GABRA3: variants seen among roughly 807,000 people sequenced by gnomAD.
GABRA3 encodes gamma-aminobutyric acid receptor subunit alpha-3.
A neutral mutation model predicts 30.1 loss-of-function variants in GABRA3; 10 were observed. The ratio of observed to expected loss-of-function variants is 0.33; its 90% CI spans 0.20 to 0.56. The LOEUF (loss-of-function observed/expected upper bound fraction) is 0.56, where lower values mean the gene tolerates loss of function less well. Among genes scored for constraint, GABRA3 ranks in the 20% least tolerant of loss-of-function variants. The pLI, the probability that GABRA3 is intolerant of heterozygous loss-of-function variation, is 0.89. For missense variants in GABRA3, 233 were observed against 392.0 expected, an observed-to-expected ratio of 0.59 and a Z score of 3.42; for synonymous variants, 151 against 146.8, an observed-to-expected ratio of 1.03 and a Z score of -0.21.
chrX:152,224,155 T>C (rs1005340026), intron 6 of GABRA3, among the ~76,000 whole-genome samples: 2 of 112,326 alleles, frequency 1.8e-5, no homozygotes, highest in Admixed American at 9.5e-5. Flanking sequence ...TATGTGAAAC[T>C]CACTCTGAAA....
intron 6 of GABRA3, among the ~76,000 whole-genome samples, chrX:152,216,515 C>T (rs1225209873): frequency 9.2e-6 from 1 of 108,204 alleles, no homozygotes; most frequent in Non-Finnish European, 1.9e-5. Flanking sequence ...AATTGCAGGA[C>T]ATTATGTTAA....
chrX:152,420,378 AATAAATGG>A (rs1328407573), intron 1 of GABRA3, among the ~76,000 whole-genome samples: 3 of 111,769 alleles, frequency 2.7e-5, no homozygotes, highest in Non-Finnish European at 5.6e-5. Flanking sequence ...TAGTAGCATT[AATAAATGG>A]ATTCATCAGT....
At chrX:152,312,812 T>C (rs1939818350) in intron 3 of GABRA3, among the ~76,000 whole-genome samples, 2 of 111,340 alleles carry the variant, frequency 1.8e-5, no homozygotes, top group Admixed American at 9.6e-5. Flanking sequence ...CATTAAAAAA[T>C]GGGAAAAGGA....
At chrX:152,241,065 A>G (rs1938353949) in intron 5 of GABRA3, among the ~76,000 whole-genome samples, 1 of 110,089 alleles carries the variant, frequency 9.1e-6, no homozygotes, top group African/African-American at 3.3e-5. Context: ...GAGGAGGAGA[A>G]GAGGCGCTCT....
At chrX:152,179,642 C>T (rs1161163135) in intron 9 of GABRA3, among the ~76,000 whole-genome samples, 1 of 109,574 alleles carries the variant, frequency 9.1e-6, no homozygotes, top group Non-Finnish European at 1.9e-5. Context: ...CTACAGGCGC[C>T]CGCCACCACA....
At chrX:152,313,957 T>C (rs1939834991) in intron 3 of GABRA3, among the ~76,000 whole-genome samples, 1 of 111,223 alleles carries the variant, frequency 9.0e-6, no homozygotes. Context: ...ATTAACACTA[T>C]TTAAGATTCC....
intron 7 of GABRA3, among the ~76,000 whole-genome samples, chrX:152,202,626 G>A (rs190431584): frequency 8.0e-5 from 9 of 111,915 alleles, no homozygotes; most frequent in African/African-American, 1.3e-4. Flanking sequence ...ACATTTATGC[G>A]TTTGTATGTG....
chrX:152,294,104 T>C (rs963294930), intron 3 of GABRA3, among the ~76,000 whole-genome samples: 1 of 111,249 alleles, frequency 9.0e-6, no homozygotes, highest in South Asian at 3.8e-4. Context: ...ATTATGTGTC[T>C]TGGGGTTGCT....
At chrX:152,303,819 G>A (rs1327654169) in intron 3 of GABRA3, among the ~76,000 whole-genome samples, 2 of 109,769 alleles carry the variant, frequency 1.8e-5, no homozygotes, top group African/African-American at 6.7e-5. Flanking sequence ...CAGGGGGTGG[G>A]GGCCAACGGG....
At chrX:152,236,127 A>G (rs370157237) in intron 5 of GABRA3, among the ~76,000 whole-genome samples, 9,239 of 77,278 alleles carry the variant, frequency 0.12, 517 homozygotes, top group Admixed American at 0.17. Flanking sequence ...TATATCTCCC[A>G]ATGCTATCCC....
At chrX:152,280,511 C>G (rs1478959259) in intron 4 of GABRA3, among the ~76,000 whole-genome samples, 1 of 110,955 alleles carries the variant, frequency 9.0e-6, no homozygotes, top group East Asian at 2.8e-4. Context: ...TTAATTAACA[C>G]AATTTTTTTT....
chrX:152,413,671 C>A (rs1366333014), intron 1 of GABRA3, among the ~76,000 whole-genome samples: 4 of 110,899 alleles, frequency 3.6e-5, no homozygotes, highest in Non-Finnish European at 7.6e-5. Flanking sequence ...ATAAAGAACG[C>A]CTGAAAAAAA....
At chrX:152,216,086 C>A (rs1462949232) in intron 6 of GABRA3, among the ~76,000 whole-genome samples, 1 of 110,092 alleles carries the variant, frequency 9.1e-6, no homozygotes, top group Admixed American at 9.7e-5. Flanking sequence ...CAAAAGAGAA[C>A]AAGTGCTGGA....
At chrX:152,432,373 GA>G (rs1021730450) in intron 1 of GABRA3, among the ~76,000 whole-genome samples, 1 of 111,101 alleles carries the variant, frequency 9.0e-6, no homozygotes, top group Non-Finnish European at 1.9e-5. Flanking sequence ...AGAAATATTT[GA>G]TTTTAAATTA....
intron 1 of GABRA3, among the ~76,000 whole-genome samples, chrX:152,399,153 G>C (rs1364989696): frequency 9.0e-6 from 1 of 111,388 alleles, no homozygotes; most frequent in Admixed American, 9.5e-5. Context: ...TAAGATAATA[G>C]AGGTGTGCCA....
chrX:152,345,241 A>T (rs1467587733), intron 3 of GABRA3, among the ~76,000 whole-genome samples: 1 of 111,563 alleles, frequency 9.0e-6, no homozygotes, highest in African/African-American at 3.3e-5. Flanking sequence ...TAAACCCATC[A>T]TAAGTTGGAA....
chrX:152,405,271 C>A (rs1335424660), intron 1 of GABRA3, among the ~76,000 whole-genome samples: 1 of 98,501 alleles, frequency 1.0e-5, no homozygotes, highest in Non-Finnish European at 2.0e-5. Context: ...TGCATCTACA[C>A]CAGCCCAAGG....
chrX:152,224,846 C>A lies in GABRA3; in HGVS notation c.552-1G>T. The A allele has an allele frequency of 1.7e-6, 2 of 1,158,142 alleles. No homozygotes were observed. The highest frequency in any genetic ancestry group is 2.3e-6 in the Non-Finnish European group (2 of 856,111). On this transcript the variant is annotated splice_acceptor_variant, in intron 5 of 9. Coordinates refer to ENST00000370314, the MANE Select transcript of GABRA3 (RefSeq NM_000808.4). LOFTEE classifies it high-confidence loss of function. Reference sequence around the variant, plus strand: ...GGGACACTCAGCATGAATTGTTAACCTAAAAGAAAGGCAAACAGAAAATGA... The same window carrying A: ...GGGACACTCAGCATGAATTGTTAACATAAAAGAAAGGCAAACAGAAAATGA...
intron 3 of GABRA3, among the ~76,000 whole-genome samples, chrX:152,296,086 G>A (rs1479156407): frequency 8.9e-6 from 1 of 112,358 alleles, no homozygotes; most frequent in Non-Finnish European, 1.9e-5. Flanking sequence ...GTGAGGTTTT[G>A]AGGATTTGGG....
Sources: allele counts gnomAD v4.1 joint callset (sites outside exome capture counted in the v4.1 genomes callset), GRCh38; gene constraint gnomAD v4.1.1; transcripts MANE v1.5; gene names NCBI Gene and HGNC (gene_info 2026-07-23, HGNC 2026-07-21).